The following TEX15 variants were observed in gnomAD, a reference collection of about 807,000 sequenced individuals.
TEX15 encodes the protein testis-expressed protein 15.
TEX15 carries 171 observed loss-of-function variants against 237.3 expected under a neutral mutation model. That is an observed-to-expected ratio of 0.72 (90% CI 0.64 to 0.82). The LOEUF is 0.82. TEX15 is among the 40% of genes least tolerant of loss of function. The pLI is 0.00. For synonymous variants in TEX15, 1,338 were observed against 1,269.8 expected (o/e 1.05, Z -1.14); for missense variants, 3,750 against 3,646.5 (o/e 1.03, Z -0.73).
intron 1 of TEX15, among the ~76,000 whole-genome samples, chr8:30,912,257 G>A (rs570220326): frequency 5.3e-4 from 80 of 151,844 alleles, no homozygotes; most frequent in African/African-American, 1.6e-3. Flanking sequence ...AGTCACCCGG[G>A]CGGCGTTCCC....
At chr8:30,861,772 C>T (rs74321288) in intron 5 of TEX15, among the ~76,000 whole-genome samples, 2,602 of 152,130 alleles carry the variant, frequency 0.017, 88 homozygotes, top group African/African-American at 0.06. Flanking sequence ...AAACATTATA[C>T]AGAGAGAAGC....
At chr8:30,884,049 A>T (rs1288495394) in intron 3 of TEX15, among the ~76,000 whole-genome samples, 1 of 152,160 alleles carries the variant, frequency 6.6e-6, no homozygotes, top group Non-Finnish European at 1.5e-5. Flanking sequence ...GCTGATTTTT[A>T]AATCTTTTTC....
intron 1 of TEX15, among the ~76,000 whole-genome samples, chr8:30,912,400 A>G (rs1335803725): frequency 6.9e-6 from 1 of 143,992 alleles, no homozygotes; most frequent in Non-Finnish European, 1.5e-5. Flanking sequence ...GCCCTGCGCA[A>G]CGCGGCTGCT....
intron 2 of TEX15, among the ~76,000 whole-genome samples, chr8:30,896,447 T>C (rs1274429190): frequency 6.6e-6 from 1 of 152,116 alleles, no homozygotes; most frequent in Non-Finnish European, 1.5e-5. Context: ...TTCAGTCCAC[T>C]TCCTTAGAGG....
intron 8 of TEX15, among the ~76,000 whole-genome samples, chr8:30,841,567 T>C (rs924665412): frequency 1.3e-5 from 2 of 152,234 alleles, no homozygotes; most frequent in African/African-American, 4.8e-5. Flanking sequence ...AAAATATCTG[T>C]CCTATTTCTC....
chr8:30,871,126 C>G (rs141740112), intron 4 of TEX15, among the ~76,000 whole-genome samples: 14 of 152,156 alleles, frequency 9.2e-5, no homozygotes, highest in Non-Finnish European at 1.6e-4. Flanking sequence ...TTACTAAAAG[C>G]TCCTGTGATT....
Position 30,889,741 on chromosome 8 carries a change from C to G in TEX15, c.-9-2430G>C, listed in dbSNP as rs541304830. Among the ~76,000 whole-genome samples, 17 of 151,870 alleles carry G rather than the reference C, an allele frequency of 1.1e-4. 1 individual carries two copies. In the South Asian group the frequency reaches 1.5e-3, roughly 13 times the overall value. ...CTTTAACTTCAGCCCAAACTTCAAC[C>G]ATGTTAAAGTGATAACTTCATATTT... On this transcript the variant is annotated intron_variant, in intron 2 of 10. Transcript: ENST00000643185.
chr8:30,873,882 G>A (rs1308121302), intron 4 of TEX15, among the ~76,000 whole-genome samples: 1 of 152,062 alleles, frequency 6.6e-6, no homozygotes, highest in Non-Finnish European at 1.5e-5. Context: ...TATACATGTT[G>A]GTCATTTACA....
Position 30,845,496 on chromosome 8 carries a change from C to G in TEX15, c.4671G>C (p.Leu1557=), listed in dbSNP as rs758511830. The G allele has an allele frequency of 8.1e-6, 13 of 1,613,340 alleles. No homozygotes were observed. The highest frequency in any genetic ancestry group is 9.3e-6 in the Non-Finnish European group (11 of 1,179,570). ...HQPFSGKTAY[L]FSPDHSDEKL... ...TCTCATCTGAGTGGTCTGGGGAAAA[C>G]AGATATGCAGTTTTTCCAGAAAAGG... Residue 1557 remains leucine (L), a synonymous_variant, in exon 8 of 11, where the codon CTG becomes CTC. Transcript: ENST00000643185.
Position 30,844,936 on chromosome 8 carries a change from G to GT in TEX15, c.5230dup (p.Thr1744AsnfsTer15). On this transcript the variant is annotated frameshift_variant, in exon 8 of 11. Coordinates refer to ENST00000643185, the MANE Select transcript of TEX15 (RefSeq NM_001350162.2). LOFTEE classifies it high-confidence loss of function. ...ACTGGATGCTGCAAAAGAATCTACA[G>GT]TAAGAATTCTCTGCTTATCCAAGTA... The GT allele has an allele frequency of 6.2e-7, 1 of 1,613,458 alleles. No homozygotes were observed. The highest frequency in any genetic ancestry group is 8.5e-7 in the Non-Finnish European group (1 of 1,179,558).
rs1403113411 is a variant in TEX15, at chr8:30,858,795, A to G, written c.723T>C (p.Pro241=). 2.6e-6 allele frequency: 4 copies of G among 1,535,226 alleles called. No homozygotes were observed. The African/African-American group carries it at 5.5e-5, about 21-fold the overall frequency. ...YFYEYSVLSK[P]VDKPRQCLPY... is the part of the protein sequence containing the mutation. ...GAAGACATTGCCTAGGTTTATCTAC[A>G]GGCTTTGAAAGGACACTGTATTCAT... The change falls in exon 7 of 11, where the codon CCT becomes CCC. Residue 241 remains proline, a synonymous_variant. Transcript: ENST00000643185.
intron 1 of TEX15, among the ~76,000 whole-genome samples, chr8:30,905,734 CAAAAAAAAAAAA>C (rs34079195): frequency 3.9e-5 from 2 of 50,992 alleles, no homozygotes; most frequent in African/African-American, 1.6e-4. Context: ...ACAAAAAATA[CAAAAAAAAAAAA>C]AAAAAAAAAA....
At position 30,874,929 on chromosome 8, in the gene TEX15, T is replaced by C. The variant is rs1174268895; in HGVS notation, c.302+8A>G. ...AATCTCAAACACGTTTAGATCATAG[T>C]AACTTACCTCTTAGCAGTAAAATTT... On this transcript the variant is annotated splice_region_variant and intron_variant, in intron 4 of 10. Transcript: ENST00000643185. 1 of 1,306,874 alleles carries C rather than the reference T, an allele frequency of 7.7e-7. No individual in the cohort carries two copies. Among genetic ancestry groups the C allele is most frequent in the African/African-American group, 1.5e-5 (1 of 67,040 alleles). 81.0% of individuals were successfully genotyped at this position (1,306,874 alleles called of 1,614,324 possible).
chr8:30,897,796 G>A (rs1010194754), intron 2 of TEX15, among the ~76,000 whole-genome samples: 1 of 152,042 alleles, frequency 6.6e-6, no homozygotes, highest in Non-Finnish European at 1.5e-5. Flanking sequence ...AAGTAGCTAG[G>A]ATTGCAAGCA....
intron 1 of TEX15, among the ~76,000 whole-genome samples, chr8:30,906,849 C>T (rs1258037252): frequency 2.0e-5 from 3 of 152,094 alleles, no homozygotes; most frequent in Admixed American, 6.6e-5. Flanking sequence ...CACAGAAAGA[C>T]ACTAGGTTTA....
At chr8:30,850,091 A>C (rs1220977192) in intron 7 of TEX15, among the ~76,000 whole-genome samples, 2 of 152,112 alleles carry the variant, frequency 1.3e-5, no homozygotes, top group Non-Finnish European at 2.9e-5. Context: ...GAGAAAAAAA[A>C]GGAAAGGAAA....
chr8:30,879,454 C>T (rs1808473616), intron 3 of TEX15, among the ~76,000 whole-genome samples: 1 of 152,198 alleles, frequency 6.6e-6, no homozygotes, highest in Admixed American at 6.5e-5. Flanking sequence ...TTATTTTTTG[C>T]ATGAGGTTAG....
At chr8:30,903,968 T>C (rs956247088) in intron 1 of TEX15, among the ~76,000 whole-genome samples, 1 of 152,118 alleles carries the variant, frequency 6.6e-6, no homozygotes, top group Non-Finnish European at 1.5e-5. Flanking sequence ...CAGATGGAAA[T>C]TATATGCAAA....
chr8:30,911,545 C>A (rs1428265503), intron 1 of TEX15, among the ~76,000 whole-genome samples: 1 of 152,210 alleles, frequency 6.6e-6, no homozygotes, highest in Non-Finnish European at 1.5e-5. Context: ...GGTATCACTT[C>A]TACTTCATAC....
Sources: gnomAD v4.1 joint callset for allele counts (sites outside exome capture counted in the v4.1 genomes callset) on GRCh38, gnomAD v4.1.1 for gene constraint, MANE v1.5 for transcripts, NCBI Gene and HGNC (gene_info 2026-07-23, HGNC 2026-07-21) for gene names.